The following AK9 variants were observed in gnomAD, a reference collection of about 807,000 sequenced individuals.
AK9 encodes the protein adenylate kinase 9, also known as adenylate kinase domain containing 1.
In AK9, 191 loss-of-function variants were observed where a neutral mutation model predicts 239.6. The ratio of observed to expected loss-of-function variants is 0.80; its 90% CI spans 0.71 to 0.90. The LOEUF is 0.90. AK9 is among the 40% of genes least tolerant of loss of function. The pLI, the probability that AK9 is intolerant of heterozygous loss-of-function variation, is 0.00. For synonymous variants in AK9, 689 were observed against 721.0 expected, an observed-to-expected ratio of 0.96 and a Z score of 0.71; for missense variants, 1,995 against 2,214.7, an observed-to-expected ratio of 0.90 and a Z score of 1.99.
chr6:109,518,505 A>T (rs1488180497), intron 29 of AK9, among the ~76,000 whole-genome samples: 1 of 152,058 alleles, frequency 6.6e-6, no homozygotes. Flanking sequence ...TTGAAATTGT[A>T]CAATTTTAAA....
chr6:109,590,170 ATT>A (rs1790033510), intron 17 of AK9, among the ~76,000 whole-genome samples: 1 of 152,076 alleles, frequency 6.6e-6, no homozygotes, highest in Admixed American at 6.5e-5. Context: ...ATTTAGCAGA[ATT>A]TGGCTGTAAA....
chr6:109,497,621 G>A, intron 37 of AK9, 58 bp from the exon 38 acceptor site: 1 of 1,370,548 alleles, frequency 7.3e-7, no homozygotes, highest in Non-Finnish European at 1.0e-6. Flanking sequence ...GCAGTCCTGT[G>A]TAAATAAAAA....
At chr6:109,636,766 A>ACG (rs1424155942) in intron 10 of AK9, among the ~76,000 whole-genome samples, 1 of 151,064 alleles carries the variant, frequency 6.6e-6, no homozygotes, top group African/African-American at 2.4e-5. Flanking sequence ...ACACACACAC[A>ACG]CACACACACA....
chr6:109,600,674 T>A (rs1049978306), intron 17 of AK9, among the ~76,000 whole-genome samples: 47 of 152,218 alleles, frequency 3.1e-4, no homozygotes, highest in African/African-American at 1.1e-3. Flanking sequence ...TCCTTGTACC[T>A]CTGGTAGAAT....
intron 6 of AK9, among the ~76,000 whole-genome samples, chr6:109,660,662 C>CTA (rs1426558305): frequency 6.6e-6 from 1 of 152,166 alleles, no homozygotes; most frequent in Non-Finnish European, 1.5e-5. Context: ...TTGACAAGGA[C>CTA]TATCTCCTTC....
chr6:109,634,921 C>T (rs904644951), intron 10 of AK9, among the ~76,000 whole-genome samples: 4 of 152,208 alleles, frequency 2.6e-5, no homozygotes, highest in African/African-American at 9.6e-5. Flanking sequence ...CCATGTTCCT[C>T]TCTCAACTTC....
intron 10 of AK9, among the ~76,000 whole-genome samples, chr6:109,634,257 T>C (rs1796455774): frequency 6.6e-6 from 1 of 152,194 alleles, no homozygotes; most frequent in South Asian, 2.1e-4. Context: ...TTGCCCTGGC[T>C]CTGGCTCTTG....
At chr6:109,531,860 A>G (rs929492453) in intron 28 of AK9, among the ~76,000 whole-genome samples, 9 of 152,172 alleles carry the variant, frequency 5.9e-5, no homozygotes, top group African/African-American at 1.4e-4. Flanking sequence ...CCTCACATCC[A>G]TAGTTCTCAG....
At chr6:109,542,639 T>C (rs748248165) in intron 26 of AK9, among the ~76,000 whole-genome samples, 7 of 152,212 alleles carry the variant, frequency 4.6e-5, no homozygotes, top group Non-Finnish European at 8.8e-5. Flanking sequence ...ATAAACAATA[T>C]GGTATTACGT....
At chr6:109,653,258 A>G (rs1799226722) in intron 8 of AK9, among the ~76,000 whole-genome samples, 1 of 152,192 alleles carries the variant, frequency 6.6e-6, no homozygotes, top group South Asian at 2.1e-4. Flanking sequence ...ACAGGTAGGT[A>G]TAGCCAGTTG....
At chr6:109,498,599 G>A (rs183487548) in intron 36 of AK9, among the ~76,000 whole-genome samples, 174 of 152,258 alleles carry the variant, frequency 1.1e-3, no homozygotes, top group Admixed American at 3.7e-3. Flanking sequence ...CCATTAAGCA[G>A]AAATATAAGG....
At position 109,552,281 on chromosome 6, in the gene AK9, C is replaced by T. The variant is rs552246862; in HGVS notation, c.2752-1979G>A. Among the ~76,000 whole-genome samples, 72 of 152,292 alleles carry T rather than the reference C, an allele frequency of 4.7e-4. 1 individual carries two copies. Among genetic ancestry groups the T allele is most frequent in the African/African-American group, 1.7e-3 (71 of 41,570 alleles). ...GTTCTAGATCCTTGAGGAATCGCCA[C>T]ACTGTGTTTCAAATAATTGAACTGA... On this transcript the variant is annotated intron_variant, in intron 24 of 40. Coordinates refer to ENST00000424296, the MANE Select transcript of AK9 (RefSeq NM_001145128.3).
chr6:109,589,172 T>C (rs115143993), intron 17 of AK9, among the ~76,000 whole-genome samples: 428 of 152,314 alleles, frequency 2.8e-3, no homozygotes, highest in African/African-American at 9.9e-3. Flanking sequence ...TTCAGTATTA[T>C]ACTCATTTCA....
chr6:109,548,529 T>A (rs983818950), intron 25 of AK9, among the ~76,000 whole-genome samples: 3 of 152,176 alleles, frequency 2.0e-5, no homozygotes, highest in African/African-American at 4.8e-5. Flanking sequence ...ATGTTGAAGA[T>A]GAAGCCTGCA....
chr6:109,666,457 G>A (rs1025112457), intron 5 of AK9, among the ~76,000 whole-genome samples: 4 of 152,128 alleles, frequency 2.6e-5, no homozygotes, highest in African/African-American at 9.7e-5. Context: ...GCTAACGATG[G>A]AGGAGTGGCG....
rs1471667761 is a variant in AK9 at position 109,514,375 on chromosome 6, G to T, written c.4128C>A (p.Ile1376=). 5.8e-6 allele frequency: 9 copies of T among 1,550,660 alleles called. No individual in the cohort carries two copies. The East Asian group carries it at 9.8e-5, about 17-fold the overall frequency. The part of the protein sequence containing the change: ...ENAENPIYPV[I]HRQYIYFLSS... ...ATAAAAAATAAATATACTGACGATGGATTACAGGATAAATTGGATTCTCTG... is the reference window on the plus strand; with the variant it reads ...ATAAAAAATAAATATACTGACGATGTATTACAGGATAAATTGGATTCTCTG... Residue 1376 remains isoleucine, a synonymous_variant, in exon 32 of 41, where the codon ATC becomes ATA. Coordinates refer to ENST00000424296, the MANE Select transcript of AK9 (RefSeq NM_001145128.3).
Position 109,506,554 on chromosome 6 carries a change from G to T in AK9, c.4629-7C>A. ...GTGCAATGGATAAGGCAATCTAATAGGGAAACAGAGAAGGAATGGAAAAAG... is the reference window on the plus strand; with the variant it reads ...GTGCAATGGATAAGGCAATCTAATATGGAAACAGAGAAGGAATGGAAAAAG... On this transcript the variant is annotated splice_polypyrimidine_tract_variant and splice_region_variant and intron_variant, in intron 34 of 40. Coordinates refer to ENST00000424296, the MANE Select transcript of AK9 (RefSeq NM_001145128.3). The T allele has an allele frequency of 6.4e-7, 1 of 1,565,928 alleles. No homozygotes were observed. Among genetic ancestry groups the T allele is most frequent in the African/African-American group, 1.4e-5 (1 of 73,716 alleles).
rs1311115354 is a variant in AK9 at position 109,663,117 on chromosome 6, AC to A, written c.332-455del. Among the ~76,000 whole-genome samples, 3 of 152,278 alleles carry A rather than the reference AC, an allele frequency of 2.0e-5. No individual in the cohort carries two copies. In the East Asian group the frequency reaches 5.8e-4, roughly 29 times the overall value. On this transcript the variant is annotated intron_variant, in intron 5 of 40. Coordinates refer to ENST00000424296, the MANE Select transcript of AK9 (RefSeq NM_001145128.3). ...TTATAAGTTATGAGAGTAATAAAAC[AC>A]CCATGGACACACTATAATTTTCTGT...
chr6:109,557,187 T>C (rs572941341), intron 24 of AK9, among the ~76,000 whole-genome samples: 58 of 152,218 alleles, frequency 3.8e-4, no homozygotes, highest in Non-Finnish European at 7.2e-4. Flanking sequence ...TTTTTGTTGT[T>C]GTTGATGCTG....
Sources: gnomAD v4.1 joint callset for allele counts (sites outside exome capture counted in the v4.1 genomes callset) on GRCh38, gnomAD v4.1.1 for gene constraint, MANE v1.5 for transcripts, NCBI Gene and HGNC (gene_info 2026-07-23, HGNC 2026-07-21) for gene names.